The following SORCS2 variants were observed in gnomAD, a reference collection of about 807,000 sequenced individuals.
The protein encoded by SORCS2 is VPS10 domain-containing receptor SorCS2.
Under a neutral mutation model 141.6 loss-of-function variants are expected in SORCS2, and 100 were observed. The ratio of observed to expected loss-of-function variants is 0.71; its 90% CI spans 0.60 to 0.83. The LOEUF (loss-of-function observed/expected upper bound fraction) is 0.83, where lower values mean the gene tolerates loss of function less well. Among genes scored for constraint, SORCS2 ranks in the 40% least tolerant of loss-of-function variants. The pLI is 0.00. For missense variants in SORCS2, 1,646 were observed against 1,560.2 expected, an observed-to-expected ratio of 1.05 and a Z score of -0.93; for synonymous variants, 789 against 676.9, an observed-to-expected ratio of 1.17 and a Z score of -2.57.
chr4:7,432,961 C>T (rs556771523), intron 2 of SORCS2: 4 of 181,260 alleles, frequency 2.2e-5, no homozygotes, highest in South Asian at 4.0e-4. Flanking sequence ...TGGCTCACAG[C>T]CAGATGTCCA....
At chr4:7,526,478 G>C (rs988232617) in intron 2 of SORCS2, among the ~76,000 whole-genome samples, 4 of 152,236 alleles carry the variant, frequency 2.6e-5, no homozygotes, top group Non-Finnish European at 5.9e-5. Flanking sequence ...CTATGACGAT[G>C]ATAAAAGGAT....
intron 1 of SORCS2, among the ~76,000 whole-genome samples, chr4:7,315,885 C>G (rs540546841): frequency 2.6e-5 from 4 of 152,198 alleles, no homozygotes; most frequent in African/African-American, 9.7e-5. Flanking sequence ...GCCTGGTACA[C>G]ATCACCCAAC....
At position 7,192,741 on chromosome 4, in the gene SORCS2, G is replaced by C. The variant is rs1163368024; in HGVS notation, c.95G>C (p.Arg32Pro). The C allele has an allele frequency of 2.9e-5, 29 of 994,448 alleles. No homozygotes were observed. The highest frequency in any genetic ancestry group is 3.3e-5 in the Non-Finnish European group (28 of 837,768). The allele number at this position is 994,448 out of a possible 1,614,324, so 61.6% of individuals were successfully genotyped here. ...GCTCCGCCGCCGCCGCGCTCGCCGC[G>C]CTCGCGGCCGCTCCTGCTGCTGCTG... ...PGAPPPPRSP[R>P]SRPLLLLLLL... The change falls in exon 1 of 27, where the codon CGC becomes CCC. Residue 32 changes from arginine (R) to proline (P), a missense_variant. Physicochemically the swap from Arg to Pro is moderately radical, Grantham distance 103 (BLOSUM62 -2). Coordinates refer to ENST00000507866, the MANE Select transcript of SORCS2 (RefSeq NM_020777.3). This position sits in a 1 kb window ranked among gnomAD's most constrained non-coding sequence, Gnocchi z 4.0.
At chr4:7,315,870 G>A (rs1033651853) in intron 1 of SORCS2, among the ~76,000 whole-genome samples, 1 of 152,176 alleles carries the variant, frequency 6.6e-6, no homozygotes, top group African/African-American at 2.4e-5. Context: ...AGGAAGAGGG[G>A]AGAAGCCTGG....
intron 1 of SORCS2, among the ~76,000 whole-genome samples, chr4:7,339,856 G>A (rs181233827): frequency 4.6e-5 from 7 of 152,326 alleles, no homozygotes; most frequent in Admixed American, 3.9e-4. Context: ...TCCTAAAAGG[G>A]AGGGTCTCCA....
chr4:7,441,172 T>A (rs555435130), intron 2 of SORCS2, among the ~76,000 whole-genome samples: 1 of 152,064 alleles, frequency 6.6e-6, no homozygotes, highest in South Asian at 2.1e-4. Context: ...GCAGGGAGGG[T>A]CAGAGGGCAG....
intron 3 of SORCS2, among the ~76,000 whole-genome samples, chr4:7,532,476 G>C (rs1451734459): frequency 1.3e-5 from 2 of 152,230 alleles, no homozygotes; most frequent in East Asian, 1.9e-4. Context: ...CAGCTCTAAT[G>C]GTGACTTTGA....
intron 2 of SORCS2, among the ~76,000 whole-genome samples, chr4:7,452,427 C>T (rs1728520645): frequency 6.6e-6 from 1 of 152,224 alleles, no homozygotes; most frequent in Admixed American, 6.5e-5. Flanking sequence ...CAGGCATGAG[C>T]CACTGTGCTC....
intron 1 of SORCS2, among the ~76,000 whole-genome samples, chr4:7,375,686 G>C (rs551544812): frequency 6.6e-6 from 1 of 152,338 alleles, no homozygotes; most frequent in Non-Finnish European, 1.5e-5. Flanking sequence ...TTAAAAAAGA[G>C]AAACCAAAAC....
intron 2 of SORCS2, among the ~76,000 whole-genome samples, chr4:7,404,862 A>G (rs1476725756): frequency 6.6e-6 from 1 of 152,042 alleles, no homozygotes; most frequent in African/African-American, 2.4e-5. Flanking sequence ...AGTTTAATTA[A>G]GGCCTGTTTG....
At chr4:7,386,728 T>C (rs574150840) in intron 1 of SORCS2, among the ~76,000 whole-genome samples, 163 of 78,862 alleles carry the variant, frequency 2.1e-3, no homozygotes, top group East Asian at 5.3e-3. Context: ...TGCACATACA[T>C]ACACATATGC....
chr4:7,426,385 G>A (rs1000053764), intron 2 of SORCS2, among the ~76,000 whole-genome samples: 2 of 151,224 alleles, frequency 1.3e-5, no homozygotes, highest in African/African-American at 2.4e-5. Flanking sequence ...AGCACACACT[G>A]CCCCGCTGAG....
intron 1 of SORCS2, among the ~76,000 whole-genome samples, chr4:7,347,539 G>T (rs1290255638): frequency 1.3e-5 from 2 of 152,204 alleles, no homozygotes; most frequent in African/African-American, 4.8e-5. Flanking sequence ...GGCCCAGGGA[G>T]GTTAAGCAGT....
intron 1 of SORCS2, among the ~76,000 whole-genome samples, chr4:7,384,926 G>A (rs571825301): frequency 4.9e-4 from 75 of 152,348 alleles, no homozygotes; most frequent in Non-Finnish European, 8.8e-4. Context: ...CAGGCTCGCC[G>A]GCTCAGCTTC....
chr4:7,396,710 C>T (rs74901061), intron 2 of SORCS2, among the ~76,000 whole-genome samples: 5,319 of 152,294 alleles, frequency 0.035, 149 homozygotes, highest in Admixed American at 0.046. Context: ...GAACTTCACA[C>T]GCAGCTCCTG....
At chr4:7,468,289 C>G (rs1485857724) in intron 2 of SORCS2, among the ~76,000 whole-genome samples, 1 of 152,214 alleles carries the variant, frequency 6.6e-6, no homozygotes, top group Non-Finnish European at 1.5e-5. Flanking sequence ...TGGGTCGCAA[C>G]CTTGTTGATG....
At chr4:7,326,775 G>A (rs962583742) in intron 1 of SORCS2, among the ~76,000 whole-genome samples, 6 of 152,202 alleles carry the variant, frequency 3.9e-5, no homozygotes, top group African/African-American at 1.4e-4. Flanking sequence ...CCTGGTCAGG[G>A]GCCAGCCAAG....
At chr4:7,220,118 A>C (rs755434316) in intron 1 of SORCS2, among the ~76,000 whole-genome samples, 1 of 152,120 alleles carries the variant, frequency 6.6e-6, no homozygotes, top group Non-Finnish European at 1.5e-5. Flanking sequence ...GAGACTTCAC[A>C]TTCTGAGGCC....
chr4:7,361,447 G>A (rs1014661446), intron 1 of SORCS2, among the ~76,000 whole-genome samples: 5 of 152,186 alleles, frequency 3.3e-5, no homozygotes, highest in East Asian at 1.9e-4. Context: ...TTGGGAGCAC[G>A]ACTTGGCAGC....
Sources: allele counts gnomAD v4.1 joint callset (sites outside exome capture counted in the v4.1 genomes callset), GRCh38; gene constraint gnomAD v4.1.1; non-coding constraint Gnocchi (gnomAD v3.1); transcripts MANE v1.5; gene names NCBI Gene and HGNC (gene_info 2026-07-23, HGNC 2026-07-21).